The following MMP16 variants were observed in gnomAD, a reference collection of about 807,000 sequenced individuals.
MMP16 encodes matrix metallopeptidase 16, also known as matrix metalloproteinase-16.
Under a neutral mutation model 67.8 loss-of-function variants are expected in MMP16, and 12 were observed. The ratio of observed to expected loss-of-function variants is 0.18; its 90% CI spans 0.11 to 0.29. The LOEUF is 0.29. MMP16 is among the 10% of genes least tolerant of loss of function. MMP16 has a pLI of 1.00. For synonymous variants in MMP16, 249 were observed against 255.9 expected (o/e 0.97, Z 0.26); for missense variants, 475 against 765.7 (o/e 0.62, Z 4.48).
intron 6 of MMP16, among the ~76,000 whole-genome samples, chr8:88,094,341 T>C (rs953084412): frequency 2.6e-5 from 4 of 151,730 alleles, no homozygotes; most frequent in Admixed American, 2.6e-4. Flanking sequence ...ATTATAAATA[T>C]TTGAAATTAT....
intron 7 of MMP16, among the ~76,000 whole-genome samples, chr8:88,073,118 C>T (rs1021741481): frequency 1.3e-5 from 2 of 152,186 alleles, no homozygotes; most frequent in African/African-American, 4.8e-5. Context: ...CTAGTCGGAA[C>T]TTAACCTGCC....
chr8:88,151,529 C>A (rs1007899863), intron 4 of MMP16, among the ~76,000 whole-genome samples: 6 of 145,858 alleles, frequency 4.1e-5, no homozygotes, highest in East Asian at 2.1e-4. Flanking sequence ...GACCACAGTG[C>A]AATCAAACTA....
chr8:88,128,166 C>G (rs928517774), intron 4 of MMP16, among the ~76,000 whole-genome samples: 3 of 151,796 alleles, frequency 2.0e-5, no homozygotes, highest in African/African-American at 4.8e-5. Context: ...AAGTTGGAAG[C>G]CAGTACATGC....
chr8:88,300,805 T>C (rs1486152397), intron 1 of MMP16, among the ~76,000 whole-genome samples: 1 of 151,962 alleles, frequency 6.6e-6, no homozygotes, highest in Non-Finnish European at 1.5e-5. Flanking sequence ...TACAGAAGCC[T>C]CCAAGATTGA....
chr8:88,105,798 A>G (rs1809227538), intron 6 of MMP16, among the ~76,000 whole-genome samples: 1 of 151,358 alleles, frequency 6.6e-6, no homozygotes, highest in African/African-American at 2.4e-5. Context: ...GCATCATTAA[A>G]TCTCTGCTAT....
At chr8:88,111,794 A>C (rs2118413447) in intron 6 of MMP16, among the ~76,000 whole-genome samples, 1 of 151,908 alleles carries the variant, frequency 6.6e-6, no homozygotes, top group Admixed American at 6.6e-5. Flanking sequence ...TTTATGAAAC[A>C]AAACCACCTT....
chr8:88,115,485 T>C (rs1418655626), intron 6 of MMP16, among the ~76,000 whole-genome samples: 1 of 152,074 alleles, frequency 6.6e-6, no homozygotes, highest in Non-Finnish European at 1.5e-5. Flanking sequence ...GATGCTTTTA[T>C]GCATATTATA....
chr8:88,207,292 G>A (rs1347363503), intron 1 of MMP16, among the ~76,000 whole-genome samples: 2 of 152,134 alleles, frequency 1.3e-5, no homozygotes, highest in Non-Finnish European at 2.9e-5. Context: ...ATTAACTGTA[G>A]TACGTATTGT....
intron 4 of MMP16, among the ~76,000 whole-genome samples, chr8:88,165,384 C>A (rs924236053): frequency 5.9e-5 from 9 of 151,764 alleles, no homozygotes; most frequent in Non-Finnish European, 1.0e-4. Flanking sequence ...TTCAAAACTA[C>A]AGATTTACAA....
rs1166337904 is a variant in MMP16, at chr8:88,234,316, G to A, written c.133-37010C>T. Among the ~76,000 whole-genome samples the A allele has an allele frequency of 2.0e-5, 3 of 152,290 alleles. No individual in the cohort carries two copies. In the East Asian group the frequency reaches 5.8e-4, roughly 29 times the overall value. On this transcript the variant is annotated intron_variant, in intron 1 of 9. Coordinates refer to ENST00000286614, the MANE Select transcript of MMP16 (RefSeq NM_005941.5). The stretch of plus-strand genomic sequence containing the variant: ...TAAGCTAGAACTTGGGTATGCCACA[G>A]AACTAAAATGTGGTATTACTGCTTT...
chr8:88,074,812 T>G (rs1808618403), intron 6 of MMP16, 69 bp from the exon 7 acceptor site: 1 of 1,529,314 alleles, frequency 6.5e-7, no homozygotes, highest in Middle Eastern at 1.7e-4. Flanking sequence ...GCGCAATGGC[T>G]GGACGCTTTT....
At chr8:88,189,251 A>G (rs1478134128) in intron 2 of MMP16, among the ~76,000 whole-genome samples, 1 of 152,152 alleles carries the variant, frequency 6.6e-6, no homozygotes, top group South Asian at 2.1e-4. Flanking sequence ...TAAAAAGTAC[A>G]ATATAATGGG....
At chr8:88,212,353 A>G (rs950047315) in intron 1 of MMP16, among the ~76,000 whole-genome samples, 1 of 152,150 alleles carries the variant, frequency 6.6e-6, no homozygotes, top group Non-Finnish European at 1.5e-5. Context: ...GCTTCCTTAC[A>G]GGGTTGTGGT....
chr8:88,222,901 A>T lies in MMP16; in HGVS notation c.133-25595T>A, dbSNP rs1001500604. Among the ~76,000 whole-genome samples, 11 of 152,042 alleles carry T rather than the reference A, an allele frequency of 7.2e-5. 1 individual carries two copies. Among genetic ancestry groups the T allele is most frequent in the Admixed American group, 6.5e-4 (10 of 15,282 alleles). On this transcript the variant is annotated intron_variant, in intron 1 of 9. Coordinates refer to ENST00000286614, the MANE Select transcript of MMP16 (RefSeq NM_005941.5). ...AGCAAAAGAAACTACCATCAGGGTG[A>T]ACAGGCAACCTACAGAATGGGAGAA...
intron 6 of MMP16, among the ~76,000 whole-genome samples, chr8:88,109,233 A>AT (rs1169980732): frequency 6.6e-6 from 1 of 151,230 alleles, no homozygotes; most frequent in African/African-American, 2.4e-5. Context: ...GTTACATTTT[A>AT]TTTTTTTCTG....
intron 6 of MMP16, among the ~76,000 whole-genome samples, chr8:88,113,473 A>G (rs1363061539): frequency 1.3e-5 from 2 of 151,920 alleles, no homozygotes; most frequent in Non-Finnish European, 2.9e-5. Flanking sequence ...AGTGAGATCA[A>G]ACAATGAGCA....
At chr8:88,198,816 A>G (rs1809296951) in intron 1 of MMP16, among the ~76,000 whole-genome samples, 1 of 152,086 alleles carries the variant, frequency 6.6e-6, no homozygotes, top group Non-Finnish European at 1.5e-5. Flanking sequence ...CATGTACCAT[A>G]TAGTAAAAGC....
At chr8:88,239,310 A>AAAG (rs1554587892) in intron 1 of MMP16, among the ~76,000 whole-genome samples, 3 of 151,308 alleles carry the variant, frequency 2.0e-5, no homozygotes, top group Admixed American at 6.6e-5. Context: ...AAAAAAAAAA[A>AAAG]AAAAGAAAAT....
rs11678530 is a variant in MMP16, at chr8:88,158,952, G to C, written c.709+8717C>G. Reference sequence around the variant, plus strand: ...TTTCCCCATTTCTTGTTCTTGTCAGGTTTGTCAAAGATTAGATGGTTGTAG... The same window carrying C: ...TTTCCCCATTTCTTGTTCTTGTCAGCTTTGTCAAAGATTAGATGGTTGTAG... On this transcript the variant is annotated intron_variant, in intron 4 of 9. Transcript: ENST00000286614. 1.0e-2 allele frequency among the ~76,000 whole-genome samples: 1,521 copies of C among 152,202 alleles called. 22 individuals are homozygous for C. The highest frequency in any genetic ancestry group is 0.033 in the African/African-American group (1,376 of 41,518).
Sources: gnomAD v4.1 joint callset for allele counts (sites outside exome capture counted in the v4.1 genomes callset) on GRCh38, gnomAD v4.1.1 for gene constraint, MANE v1.5 for transcripts, NCBI Gene and HGNC (gene_info 2026-07-23, HGNC 2026-07-21) for gene names.